AFF2: variants seen among roughly 807,000 people sequenced by gnomAD.
AFF2 encodes the protein AF4/FMR2 family member 2.
In AFF2, 14 loss-of-function variants were observed where a neutral mutation model predicts 76.9. That is an observed-to-expected ratio of 0.18 (90% CI 0.12 to 0.28). The LOEUF is 0.28. Among genes scored for constraint, AFF2 ranks in the 10% least tolerant of loss-of-function variants. The probability of loss-of-function intolerance (pLI) is 1.00; values close to 1 mark genes in which losing one functional copy is unlikely to be tolerated. For synonymous variants in AFF2, 398 were observed against 366.7 expected, an observed-to-expected ratio of 1.09 and a Z score of -0.98; for missense variants, 868 against 1,001.1, an observed-to-expected ratio of 0.87 and a Z score of 1.79.
rs5980592 is a variant in AFF2 at position 148,806,962 on chromosome X, G to A, written c.1042-2914G>A. 2.9e-3 allele frequency among the ~76,000 whole-genome samples: 330 copies of A among 112,271 alleles called. 1 individual carries two copies. The highest frequency in any genetic ancestry group is 0.01 in the African/African-American group (312 of 30,897). ...TTACGGAGAAAACAGCAGTGGGCCC[G>A]GGCTAGATGAATTTGCGGAACTAGT... On this transcript the variant is annotated intron_variant, in intron 3 of 20. Coordinates refer to ENST00000370460, the MANE Select transcript of AFF2 (RefSeq NM_002025.4).
chrX:148,800,914 G>A (rs1294256628), intron 3 of AFF2, among the ~76,000 whole-genome samples: 2 of 112,302 alleles, frequency 1.8e-5, no homozygotes, highest in East Asian at 2.8e-4. Flanking sequence ...CAGAAACTCC[G>A]TCTAATGTTC....
At chrX:148,669,498 G>C (rs2054398100) in intron 3 of AFF2, among the ~76,000 whole-genome samples, 1 of 111,846 alleles carries the variant, frequency 8.9e-6, no homozygotes, top group South Asian at 3.8e-4. Flanking sequence ...TGGCTGGGGA[G>C]GCCTCACAAT....
intron 1 of AFF2, among the ~76,000 whole-genome samples, chrX:148,618,097 A>G (rs1299288130): frequency 9.0e-6 from 1 of 111,655 alleles, no homozygotes; most frequent in Non-Finnish European, 1.9e-5. Flanking sequence ...AGAAGATGAA[A>G]GTTATTTATA....
chrX:148,698,182 G>C (rs887132424), intron 3 of AFF2, among the ~76,000 whole-genome samples: 7 of 112,144 alleles, frequency 6.2e-5, no homozygotes, highest in Non-Finnish European at 1.1e-4. Context: ...GTTAACCTTT[G>C]GTAATTAGAA....
chrX:148,877,970 C>T (rs1210088313), intron 7 of AFF2, among the ~76,000 whole-genome samples: 1 of 111,814 alleles, frequency 8.9e-6, no homozygotes, highest in Non-Finnish European at 1.9e-5. Flanking sequence ...TGTGATTGTA[C>T]TTTGGAGGTA....
chrX:148,831,148 A>G (rs782156395), intron 4 of AFF2, among the ~76,000 whole-genome samples: 36 of 112,068 alleles, frequency 3.2e-4, no homozygotes, highest in Non-Finnish European at 5.8e-4. Flanking sequence ...CATCGCTGTT[A>G]TCCTGTTCTT....
intron 3 of AFF2, among the ~76,000 whole-genome samples, chrX:148,690,943 G>A (rs1478735606): frequency 2.7e-5 from 3 of 111,515 alleles, no homozygotes; most frequent in African/African-American, 6.5e-5. Context: ...CTTCCCCTGT[G>A]TGTATCTTAA....
chrX:148,579,283 A>C (rs782085700), intron 1 of AFF2, among the ~76,000 whole-genome samples: 2 of 111,726 alleles, frequency 1.8e-5, no homozygotes, highest in Non-Finnish European at 3.8e-5. Context: ...AAATGGTTGA[A>C]TATAGCCTCC....
intron 1 of AFF2, among the ~76,000 whole-genome samples, chrX:148,559,318 C>T (rs138304244): frequency 0.029 from 3,213 of 110,911 alleles, 111 homozygotes; most frequent in African/African-American, 0.097. Flanking sequence ...ATGTGGAGAA[C>T]GTTACAGGAT....
At chrX:148,986,056 T>C (rs1176008594) in intron 19 of AFF2, among the ~76,000 whole-genome samples, 1 of 93,263 alleles carries the variant, frequency 1.1e-5, no homozygotes, top group Non-Finnish European at 2.0e-5. Flanking sequence ...ACATCTGTTC[T>C]GGGAGCCACA....
intron 3 of AFF2, among the ~76,000 whole-genome samples, chrX:148,767,733 A>T (rs193067753): frequency 2.1e-4 from 24 of 112,559 alleles, no homozygotes; most frequent in African/African-American, 7.4e-4. Context: ...ATTCTTAATG[A>T]AATAAGACAG....
chrX:148,501,428 G>A (rs929071215), intron 1 of AFF2, among the ~76,000 whole-genome samples: 2 of 112,872 alleles, frequency 1.8e-5, no homozygotes, highest in Non-Finnish European at 3.8e-5. Context: ...CCGCCCGAGG[G>A]CTGAACCGCA....
chrX:148,607,048 G>A (rs1384167912), intron 1 of AFF2, among the ~76,000 whole-genome samples: 1 of 111,062 alleles, frequency 9.0e-6, no homozygotes, highest in Non-Finnish European at 1.9e-5. Flanking sequence ...GGTCATAGAC[G>A]ACAAGATGTA....
chrX:148,785,880 C>T lies in AFF2; in HGVS notation c.1042-23996C>T, dbSNP rs147689145. Among the ~76,000 whole-genome samples the T allele has an allele frequency of 1.4e-4, 16 of 111,787 alleles. No homozygotes were observed. The East Asian group carries it at 3.4e-3, about 24-fold the overall frequency. Reference sequence around the variant, plus strand: ...CTGAAGTTACGAGTAAGGGAATCCACGCAAATTGGCCTCATACAGGTAGAA... The same window carrying T: ...CTGAAGTTACGAGTAAGGGAATCCATGCAAATTGGCCTCATACAGGTAGAA... On this transcript the variant is annotated intron_variant, in intron 3 of 20. Transcript: ENST00000370460.
intron 3 of AFF2, among the ~76,000 whole-genome samples, chrX:148,708,318 G>T (rs2124524422): frequency 8.9e-6 from 1 of 111,972 alleles, no homozygotes; most frequent in Non-Finnish European, 1.9e-5. Flanking sequence ...GATTTAAGCT[G>T]CCTCCTGTCA....
intron 1 of AFF2, among the ~76,000 whole-genome samples, chrX:148,540,491 A>G (rs968932585): frequency 1.8e-5 from 2 of 110,217 alleles, no homozygotes; most frequent in Non-Finnish European, 3.8e-5. Context: ...AATATAATAT[A>G]AAAAGCCAGT....
chrX:148,702,200 C>A (rs1557261947), intron 3 of AFF2, among the ~76,000 whole-genome samples: 1 of 111,528 alleles, frequency 9.0e-6, no homozygotes. Context: ...TCTCTCATAA[C>A]TATAGTTCAT....
chrX:148,840,049 A>G (rs2070580025), intron 5 of AFF2, among the ~76,000 whole-genome samples: 1 of 110,932 alleles, frequency 9.0e-6, no homozygotes, highest in Non-Finnish European at 1.9e-5. Flanking sequence ...AAGCTTACTT[A>G]TCAGTTTCAA....
intron 3 of AFF2, among the ~76,000 whole-genome samples, chrX:148,764,677 T>G (rs1458525296): frequency 1.8e-5 from 2 of 112,338 alleles, no homozygotes; most frequent in Non-Finnish European, 3.8e-5. Flanking sequence ...TACACATGCC[T>G]TATAAAAATA....
Sources: allele counts gnomAD v4.1 joint callset (sites outside exome capture counted in the v4.1 genomes callset), GRCh38; gene constraint gnomAD v4.1.1; transcripts MANE v1.5; gene names NCBI Gene and HGNC (gene_info 2026-07-23, HGNC 2026-07-21).